DPP6: variants seen among roughly 807,000 people sequenced by gnomAD.
DPP6 encodes the protein A-type potassium channel modulatory protein DPP6.
In DPP6, 69 loss-of-function variants were observed where a neutral mutation model predicts 122.6. That is an observed-to-expected ratio of 0.56 (90% CI 0.46 to 0.69). The LOEUF is 0.69. DPP6 is among the 30% of genes least tolerant of loss of function. The probability of loss-of-function intolerance (pLI) is 0.00; values close to 1 mark genes in which losing one functional copy is unlikely to be tolerated. For missense variants in DPP6, 928 were observed against 1,116.9 expected (o/e 0.83, Z 2.41); for synonymous variants, 418 against 433.1 (o/e 0.97, Z 0.43).
intron 1 of DPP6, among the ~76,000 whole-genome samples, chr7:153,920,563 CTT>C (rs61553100): frequency 1.4e-4 from 12 of 88,686 alleles, no homozygotes; most frequent in East Asian, 3.3e-4. Context: ...TTATCTCTCT[CTT>C]TTTTTTTTTT....
At chr7:154,598,796 T>C (rs550972530) in intron 5 of DPP6, among the ~76,000 whole-genome samples, 8 of 152,354 alleles carry the variant, frequency 5.3e-5, no homozygotes, top group Admixed American at 4.6e-4. Flanking sequence ...GAGAGGTTTA[T>C]AGCATTGTTG....
chr7:154,296,107 C>G (rs1443167208), intron 1 of DPP6, among the ~76,000 whole-genome samples: 1 of 141,594 alleles, frequency 7.1e-6, no homozygotes, highest in Non-Finnish European at 1.5e-5. Flanking sequence ...ACCATGCTGG[C>G]TAATTTTTTG....
intron 21 of DPP6, among the ~76,000 whole-genome samples, chr7:154,883,388 TCACA>T (rs138312012): frequency 0.13 from 13,599 of 104,962 alleles, 1,108 homozygotes; most frequent in East Asian, 0.54. Context: ...ATACACCTGC[TCACA>T]CACACACACA....
intron 2 of DPP6, among the ~76,000 whole-genome samples, chr7:154,454,477 C>T (rs75628688): frequency 0.039 from 5,893 of 152,178 alleles, 166 homozygotes; most frequent in Admixed American, 0.094. Flanking sequence ...TGGAAGGCTT[C>T]GTGGAGAATG....
chr7:153,966,540 C>T (rs539654452), intron 1 of DPP6, among the ~76,000 whole-genome samples: 4 of 104,590 alleles, frequency 3.8e-5, no homozygotes, highest in Non-Finnish European at 5.4e-5. Flanking sequence ...ATTAAACGGT[C>T]TGTCCTGTGT....
At chr7:153,791,564 G>A in the DPP6 span, among the ~76,000 whole-genome samples, 4 of 151,656 alleles carry the variant, frequency 2.6e-5, no homozygotes, top group African/African-American at 7.3e-5. Context: ...TAGGATTACA[G>A]GTGCCCACCA....
intron 1 of DPP6, among the ~76,000 whole-genome samples, chr7:154,128,101 G>A (rs3102289): frequency 1.4e-5 from 2 of 146,374 alleles, no homozygotes; most frequent in African/African-American, 5.2e-5. Context: ...TACCTTACCC[G>A]CAACAGGCAC....
intron 4 of DPP6, among the ~76,000 whole-genome samples, chr7:154,564,428 G>A (rs1184334974): frequency 1.3e-5 from 2 of 152,068 alleles, no homozygotes; most frequent in African/African-American, 4.8e-5. Flanking sequence ...GGTCAAAATT[G>A]GAGAAAAAAC....
intron 1 of DPP6, among the ~76,000 whole-genome samples, chr7:154,384,654 C>CA (rs1813916641): frequency 1.3e-5 from 2 of 151,568 alleles, no homozygotes; most frequent in Non-Finnish European, 2.9e-5. Context: ...ATTTTATTTC[C>CA]AAAAAAATGG....
At chr7:154,805,441 C>G (rs1481083632) in intron 15 of DPP6, among the ~76,000 whole-genome samples, 1 of 152,050 alleles carries the variant, frequency 6.6e-6, no homozygotes, top group South Asian at 2.1e-4. Flanking sequence ...AGCATGATCT[C>G]GAAGCTCCTC....
chr7:153,871,591 T>C, the DPP6 span, among the ~76,000 whole-genome samples: 1 of 152,216 alleles, frequency 6.6e-6, no homozygotes, highest in East Asian at 1.9e-4. Flanking sequence ...CCTGACCCCT[T>C]GCACTTCCTG....
At chr7:154,648,867 C>G (rs1029412507) in intron 6 of DPP6, among the ~76,000 whole-genome samples, 2 of 151,474 alleles carry the variant, frequency 1.3e-5, no homozygotes, top group African/African-American at 4.9e-5. Context: ...TGCAGTGAGC[C>G]AAGATCATGC....
intron 1 of DPP6, among the ~76,000 whole-genome samples, chr7:154,411,515 A>G (rs890064743): frequency 6.6e-6 from 1 of 152,204 alleles, no homozygotes; most frequent in Non-Finnish European, 1.5e-5. Context: ...TGCGGAGATT[A>G]CAGGCATGAG....
intron 17 of DPP6, among the ~76,000 whole-genome samples, chr7:154,855,543 C>T (rs1802761973): frequency 1.3e-5 from 2 of 152,300 alleles, no homozygotes; most frequent in South Asian, 2.1e-4. Flanking sequence ...GCAATGGGGG[C>T]GGTATCCCCG....
chr7:154,396,502 G>C (rs1815100627), intron 1 of DPP6, among the ~76,000 whole-genome samples: 1 of 152,156 alleles, frequency 6.6e-6, no homozygotes, highest in African/African-American at 2.4e-5. Context: ...TGTCCAGCTA[G>C]CACCTTCCTG....
At chr7:154,303,870 C>T (rs1327327740) in intron 1 of DPP6, among the ~76,000 whole-genome samples, 3 of 152,148 alleles carry the variant, frequency 2.0e-5, no homozygotes, top group Admixed American at 6.5e-5. Flanking sequence ...TCCAAAGAAG[C>T]CCACAGTGCC....
intron 5 of DPP6, among the ~76,000 whole-genome samples, chr7:154,636,620 C>T (rs1835742743): frequency 6.6e-6 from 1 of 152,188 alleles, no homozygotes; most frequent in Admixed American, 6.5e-5. Context: ...TCTCTGAAAG[C>T]ACCAGATTGT....
At chr7:154,384,428 G>T (rs1813898578) in intron 1 of DPP6, among the ~76,000 whole-genome samples, 1 of 152,154 alleles carries the variant, frequency 6.6e-6, no homozygotes, top group African/African-American at 2.4e-5. Context: ...TGAATGAAAA[G>T]GATGTGGGGA....
chr7:154,669,307 A>G, intron 6 of DPP6, 53 bp from the exon 7 acceptor site: 2 of 1,551,484 alleles, frequency 1.3e-6, no homozygotes, highest in Non-Finnish European at 1.7e-6. Context: ...AGCAGCTTAA[A>G]TTCTTGGTTC....
Sources: allele counts gnomAD v4.1 joint callset (sites outside exome capture counted in the v4.1 genomes callset), GRCh38; gene constraint gnomAD v4.1.1; transcripts MANE v1.5; gene names NCBI Gene and HGNC (gene_info 2026-07-23, HGNC 2026-07-21).